The following PANK3 variants were observed in gnomAD, a reference collection of about 807,000 sequenced individuals.
The protein encoded by PANK3 is pantothenate kinase 3.
In PANK3, 20 loss-of-function variants were observed where a neutral mutation model predicts 39.4. That is an observed-to-expected ratio of 0.51 (90% CI 0.36 to 0.74). The LOEUF is 0.74. Ranked by LOEUF, PANK3 falls within the 30% of genes least tolerant of loss-of-function variation. The pLI is 0.00. For missense variants in PANK3, 265 were observed against 437.0 expected, an observed-to-expected ratio of 0.61 and a Z score of 3.51; for synonymous variants, 140 against 157.3, an observed-to-expected ratio of 0.89 and a Z score of 0.82.
chr5:168,567,966 TA>T (rs1251511735), intron 2 of PANK3, among the ~76,000 whole-genome samples: 2 of 152,228 alleles, frequency 1.3e-5, no homozygotes, highest in Non-Finnish European at 2.9e-5. Context: ...TCAGTGGTCC[TA>T]AACAGAGCCA....
At chr5:168,573,416 CAAAAAAAAAAAAAAAAAA>C (rs574960925) in intron 1 of PANK3, among the ~76,000 whole-genome samples, 1 of 16,938 alleles carries the variant, frequency 5.9e-5, no homozygotes, top group Middle Eastern at 0.062. Flanking sequence ...CTCAGCAAGG[CAAAAAAAAAAAAAAAAAA>C]AAAAAAAAAA....
In PANK3 at chr5:168,549,415, T is replaced by C. The variant is rs1210201428; in HGVS notation, c.*8156A>G. 2 of 152,208 alleles carry C rather than the reference T, an allele frequency of 1.3e-5. No homozygotes were observed. Among genetic ancestry groups the C allele is most frequent in the Admixed American group, 6.5e-5 (1 of 15,278 alleles). 9.4% of individuals were successfully genotyped at this position (152,208 alleles called of 1,614,324 possible). A position where few individuals can be genotyped will look rare whatever the true frequency, so the allele number is the denominator to read the frequency against. ...CAAATTATTTTACATTATTTATGTA[T>C]ACTTTACAAATAACACAAATATGGA... On this transcript the variant is annotated 3_prime_UTR_variant, in exon 7 of 7. Transcript: ENST00000239231.
At chr5:168,574,722 T>C (rs889726757) in intron 1 of PANK3, among the ~76,000 whole-genome samples, 1 of 152,062 alleles carries the variant, frequency 6.6e-6, no homozygotes, top group Non-Finnish European at 1.5e-5. Flanking sequence ...TTAGCCAGGC[T>C]TGGTGGCGTG....
In PANK3 at chr5:168,566,320, CTA is replaced by C. The variant is rs1302787966; in HGVS notation, c.382-56_382-55del. ...AAGGATGACATTCAAAAACACTCAA[CTA>C]TATGATTTTCCTGTATTACTTTACA... On this transcript the variant is annotated intron_variant, in intron 2 of 6. Coordinates refer to ENST00000239231, the MANE Select transcript of PANK3 (RefSeq NM_024594.4). 3.3e-6 allele frequency: 5 copies of C among 1,517,880 alleles called. No homozygotes were observed. In the African/African-American group the frequency reaches 4.2e-5, roughly 13 times the overall value. The allele number at this position is 1,517,880 out of a possible 1,614,324, so 94.0% of individuals were successfully genotyped here. A position where few individuals can be genotyped will look rare whatever the true frequency, so the allele number is the denominator to read the frequency against.
chr5:168,570,003 T>C (rs976348212), intron 1 of PANK3, among the ~76,000 whole-genome samples: 1 of 151,988 alleles, frequency 6.6e-6, no homozygotes, highest in Non-Finnish European at 1.5e-5. Context: ...TGAGCCATGT[T>C]TGCACCACTA....
intron 1 of PANK3, among the ~76,000 whole-genome samples, chr5:168,573,026 T>G (rs1490467109): frequency 6.6e-6 from 1 of 152,074 alleles, no homozygotes; most frequent in South Asian, 2.1e-4. Flanking sequence ...ATTGAGAAAC[T>G]AAACAGAAGG....
chr5:168,574,659 C>T (rs763530756), intron 1 of PANK3, among the ~76,000 whole-genome samples: 18 of 152,026 alleles, frequency 1.2e-4, no homozygotes, highest in Non-Finnish European at 2.2e-4. Context: ...GTCGGGAGTT[C>T]GGACAAGCCT....
chr5:168,569,180 GTTTTT>G (rs544747926), intron 1 of PANK3, among the ~76,000 whole-genome samples, 182 bp from the exon 2 acceptor site: 1 of 115,940 alleles, frequency 8.6e-6, no homozygotes, highest in Non-Finnish European at 1.7e-5. Flanking sequence ...TCCCTTCAAA[GTTTTT>G]TTTTTTTTTT....
chr5:168,564,175 A>G (rs1164581722), intron 3 of PANK3, 110 bp from the exon 4 acceptor site: 3 of 957,252 alleles, frequency 3.1e-6, no homozygotes, highest in East Asian at 2.8e-5. Flanking sequence ...AAAAAAACCT[A>G]TGACTAATGC....
At chr5:168,573,442 A>AAAAAAAAAAAAAAAAAAAAAAT in intron 1 of PANK3, among the ~76,000 whole-genome samples, 1 of 140,046 alleles carries the variant, frequency 7.1e-6, no homozygotes, top group Non-Finnish European at 1.6e-5. Context: ...AAAAAAAAAA[A>AAAAAAAAAAAAAAAAAAAAAAT]AAAAGGCACA....
Position 168,556,809 on chromosome 5 carries a change from T to C in PANK3, c.*762A>G, listed in dbSNP as rs886313791. 1 of 152,598 alleles carries C rather than the reference T, an allele frequency of 6.6e-6. No homozygotes were observed. The highest frequency in any genetic ancestry group is 2.4e-5 in the African/African-American group (1 of 41,438). 9.5% of individuals were successfully genotyped at this position (152,598 alleles called of 1,614,324 possible). A position where few individuals can be genotyped will look rare whatever the true frequency, so the allele number is the denominator to read the frequency against. On this transcript the variant is annotated 3_prime_UTR_variant, in exon 7 of 7. Coordinates refer to ENST00000239231, the MANE Select transcript of PANK3 (RefSeq NM_024594.4). ...CACAGTGAACTCAAATCATATTCCA[T>C]TACAATAGTCCCAGGACTTCATTAG...
chr5:168,562,983 A>G (rs1461774374), intron 4 of PANK3, among the ~76,000 whole-genome samples: 1 of 152,178 alleles, frequency 6.6e-6, no homozygotes, highest in Admixed American at 6.5e-5. Flanking sequence ...CAGTGAAATA[A>G]AGATGGATTA....
rs1227548568 is a variant in PANK3 at position 168,552,130 on chromosome 5, G to C, written c.*5441C>G. 1 of 152,170 alleles carries C rather than the reference G, an allele frequency of 6.6e-6. No homozygotes were observed. Among genetic ancestry groups the C allele is most frequent in the Non-Finnish European group, 1.5e-5 (1 of 68,026 alleles). 9.4% of individuals were successfully genotyped at this position (152,170 alleles called of 1,614,324 possible). On this transcript the variant is annotated 3_prime_UTR_variant, in exon 7 of 7. Transcript: ENST00000239231. Reference sequence around the variant, plus strand: ...CAGCAAACTGACAGTGGTTGCATTTGAAAAAGTTACCAGATTTTTTAAGAA... The same window carrying C: ...CAGCAAACTGACAGTGGTTGCATTTCAAAAAGTTACCAGATTTTTTAAGAA...
intron 1 of PANK3, among the ~76,000 whole-genome samples, chr5:168,576,438 T>C (rs1262062857): frequency 1.3e-5 from 2 of 152,222 alleles, no homozygotes; most frequent in Admixed American, 6.5e-5. Flanking sequence ...TAAGAAATCA[T>C]GGCAGGCAGG....
intron 2 of PANK3, 116 bp downstream of exon 2, chr5:168,568,530 T>C (rs1759570072): frequency 8.7e-6 from 7 of 804,482 alleles, no homozygotes; most frequent in Non-Finnish European, 1.4e-5. Flanking sequence ...AAGGCAACCA[T>C]GGATACATAT....
rs1249373394 is a variant in PANK3, at chr5:168,557,574, G to C, written c.1110C>G (p.Ser370Arg). The C allele has an allele frequency of 6.2e-7, 1 of 1,613,478 alleles. No individual in the cohort carries two copies. Among genetic ancestry groups the C allele is most frequent in the Non-Finnish European group, 8.5e-7 (1 of 1,179,512 alleles). Residue 370 changes from serine to arginine, a missense_variant, in exon 7 of 7, where the codon AGC becomes AGG. By Grantham distance (110) the Ser-to-Arg change is moderately radical. Transcript: ENST00000239231. Reference sequence around the variant, plus strand: ...GCAGAGAGAGAGACCTGATGCTTTAGCTGAAATTTGGCAGCCCAAGAAGTG... The same window carrying C: ...GCAGAGAGAGAGACCTGATGCTTTACCTGAAATTTGGCAGCCCAAGAAGTG... ...VGALLGLPNF[S>R]
intron 1 of PANK3, among the ~76,000 whole-genome samples, chr5:168,569,368 A>G (rs1282434063): frequency 7.0e-6 from 1 of 143,226 alleles, no homozygotes; most frequent in Non-Finnish European, 1.5e-5. Context: ...TTTTTTTTGT[A>G]TTTTTAGTAG....
At chr5:168,572,452 T>C (rs757510735) in intron 1 of PANK3, among the ~76,000 whole-genome samples, 10 of 151,952 alleles carry the variant, frequency 6.6e-5, no homozygotes, top group African/African-American at 1.5e-4. Context: ...TTAGTTCTTA[T>C]AGGTTTTGGG....
In PANK3 at chr5:168,550,555, G is replaced by A. The variant is rs1759261217; in HGVS notation, c.*7016C>T. ...TATAAAACCTTTCATATTACTTTAA[G>A]GTATATCTACCTGGCCATTACAGGC... On this transcript the variant is annotated 3_prime_UTR_variant, in exon 7 of 7. Coordinates refer to ENST00000239231, the MANE Select transcript of PANK3 (RefSeq NM_024594.4). 1 of 152,012 alleles carries A rather than the reference G, an allele frequency of 6.6e-6. No homozygotes were observed. The allele number at this position is 152,012 out of a possible 1,614,324, so 9.4% of individuals were successfully genotyped here. A position where few individuals can be genotyped will look rare whatever the true frequency, so the allele number is the denominator to read the frequency against.
Sources: allele counts gnomAD v4.1 joint callset (sites outside exome capture counted in the v4.1 genomes callset), GRCh38; gene constraint gnomAD v4.1.1; transcripts MANE v1.5; gene names NCBI Gene and HGNC (gene_info 2026-07-23, HGNC 2026-07-21).